Variants in SLC25A21 observed in about 807,000 individuals in gnomAD.
SLC25A21 encodes mitochondrial 2-oxodicarboxylate carrier.
Under a neutral mutation model 43.8 loss-of-function variants are expected in SLC25A21, and 47 were observed. The observed-to-expected ratio is 1.07, with a 90% CI of 0.85 to 1.37. The LOEUF (loss-of-function observed/expected upper bound fraction) is 1.37. Ranked by LOEUF, SLC25A21 falls within the 40% of genes most tolerant of loss-of-function variation. SLC25A21 has a pLI of 0.00. For synonymous variants in SLC25A21, 131 were observed against 121.3 expected (o/e 1.08, Z -0.52); for missense variants, 352 against 350.2 (o/e 1.00, Z -0.04).
intron 1 of SLC25A21, among the ~76,000 whole-genome samples, chr14:36,965,484 A>C (rs1229719998): frequency 6.6e-6 from 1 of 152,166 alleles, no homozygotes; most frequent in Non-Finnish European, 1.5e-5. Flanking sequence ...ATCTCATGAG[A>C]TTGTGATATT....
intron 6 of SLC25A21, 39 bp from the exon 7 acceptor site, chr14:36,711,521 G>A (rs1883870565): frequency 6.3e-7 from 1 of 1,598,058 alleles, no homozygotes; most frequent in South Asian, 1.1e-5. Flanking sequence ...GATCATCTTT[G>A]GGACTGTGGA....
chr14:36,780,528 GT>G (rs1887017443), intron 3 of SLC25A21, among the ~76,000 whole-genome samples: 1 of 151,862 alleles, frequency 6.6e-6, no homozygotes, highest in African/African-American at 2.4e-5. Context: ...GGTGTGATGT[GT>G]TTTTATTCTT....
At chr14:37,029,224 A>AT (rs1443860756) in intron 1 of SLC25A21, among the ~76,000 whole-genome samples, 2 of 152,152 alleles carry the variant, frequency 1.3e-5, no homozygotes, top group East Asian at 1.9e-4. Context: ...GGAAGGTTTA[A>AT]TTTTTTCCTT....
At chr14:36,846,156 G>A (rs915106340) in intron 2 of SLC25A21, among the ~76,000 whole-genome samples, 3 of 152,106 alleles carry the variant, frequency 2.0e-5, no homozygotes, top group African/African-American at 7.2e-5. Flanking sequence ...GAACTTTCTA[G>A]AAGGAATTAT....
At chr14:36,871,404 A>G (rs114003190) in intron 2 of SLC25A21, among the ~76,000 whole-genome samples, 1,952 of 152,272 alleles carry the variant, frequency 0.013, 49 homozygotes, top group African/African-American at 0.044. Context: ...TCTGTTGTCT[A>G]TAAGTTACCC....
Position 37,140,902 on chromosome 14 carries a change from T to C in SLC25A21, c.70+31379A>G, listed in dbSNP as rs986156796. The stretch of plus-strand genomic sequence containing the variant: ...AGGCTCACGCCTGTAATCCCAGCAC[T>C]TTGGGAGGCTGAGGCGGGTAGATCA... On this transcript the variant is annotated intron_variant, in intron 1 of 9. Coordinates refer to ENST00000331299, the MANE Select transcript of SLC25A21 (RefSeq NM_030631.4). 2.6e-5 allele frequency among the ~76,000 whole-genome samples: 4 copies of C among 152,278 alleles called. No homozygotes were observed. The South Asian group carries it at 8.3e-4, about 32-fold the overall frequency.
At chr14:36,731,402 T>G (rs1473141558) in intron 4 of SLC25A21, among the ~76,000 whole-genome samples, 1 of 152,236 alleles carries the variant, frequency 6.6e-6, no homozygotes, top group African/African-American at 2.4e-5. Flanking sequence ...ACAGGAAAGC[T>G]GCTTAACCTT....
At chr14:36,860,866 A>G (rs1890047497) in intron 2 of SLC25A21, among the ~76,000 whole-genome samples, 1 of 152,216 alleles carries the variant, frequency 6.6e-6, no homozygotes, top group South Asian at 2.1e-4. Flanking sequence ...ATAGATTCTG[A>G]TTACCAAAAA....
intron 1 of SLC25A21, among the ~76,000 whole-genome samples, chr14:36,903,740 A>G (rs1891460682): frequency 6.6e-6 from 1 of 151,264 alleles, no homozygotes; most frequent in South Asian, 2.1e-4. Context: ...GGCTTCCTTG[A>G]GTCACTCTCC....
chr14:36,989,836 T>C (rs577781911), intron 1 of SLC25A21, among the ~76,000 whole-genome samples: 11 of 152,236 alleles, frequency 7.2e-5, no homozygotes, highest in Non-Finnish European at 5.9e-5. Flanking sequence ...CTGGTTGTAA[T>C]TGACTCTCTA....
At chr14:36,777,426 T>G (rs931637593) in intron 3 of SLC25A21, among the ~76,000 whole-genome samples, 1 of 152,198 alleles carries the variant, frequency 6.6e-6, no homozygotes, top group African/African-American at 2.4e-5. Context: ...TATCTGTGAA[T>G]GTGACCTTAT....
chr14:37,042,125 T>C (rs947609984), intron 1 of SLC25A21, among the ~76,000 whole-genome samples: 9 of 152,128 alleles, frequency 5.9e-5, no homozygotes, highest in African/African-American at 2.2e-4. Flanking sequence ...AAAACAGACA[T>C]GTGAATTTGA....
rs947603194 is a variant in SLC25A21, at chr14:36,751,230, T to C, written c.204-16657A>G. On this transcript the variant is annotated intron_variant, in intron 3 of 9. Transcript: ENST00000331299. ...ACTGTTTAAATGCTAGAACAACATT[T>C]AAATGAGGATACTTCTCTCTCATTC... Among the ~76,000 whole-genome samples, 6 of 152,198 alleles carry C rather than the reference T, an allele frequency of 3.9e-5. No individual in the cohort carries two copies. In the East Asian group the frequency reaches 1.2e-3, roughly 29 times the overall value.
intron 3 of SLC25A21, among the ~76,000 whole-genome samples, chr14:36,743,172 A>C (rs1053834075): frequency 6.6e-6 from 1 of 152,146 alleles, no homozygotes; most frequent in Non-Finnish European, 1.5e-5. Flanking sequence ...CTGATGGAAA[A>C]CACTAAGGAA....
At chr14:37,075,974 C>A (rs1033341787) in intron 1 of SLC25A21, among the ~76,000 whole-genome samples, 2 of 152,180 alleles carry the variant, frequency 1.3e-5, no homozygotes, top group South Asian at 2.1e-4. Context: ...TGAGGGCCAG[C>A]GGAAGCTGTG....
chr14:36,950,766 A>G (rs1355317979), intron 1 of SLC25A21, among the ~76,000 whole-genome samples: 2 of 152,244 alleles, frequency 1.3e-5, no homozygotes, highest in Non-Finnish European at 2.9e-5. Context: ...TACTTGATAC[A>G]GAGTCAGCAG....
At chr14:37,073,995 C>T (rs563583583) in intron 1 of SLC25A21, among the ~76,000 whole-genome samples, 1 of 146,434 alleles carries the variant, frequency 6.8e-6, no homozygotes, top group South Asian at 2.1e-4. Context: ...GAAAGAGGTC[C>T]AGAAATTCAC....
At chr14:36,920,259 A>G (rs1458754589) in intron 1 of SLC25A21, among the ~76,000 whole-genome samples, 1 of 152,110 alleles carries the variant, frequency 6.6e-6, no homozygotes, top group Non-Finnish European at 1.5e-5. Context: ...CTTAGTTTAC[A>G]CTTTATATTA....
intron 1 of SLC25A21, among the ~76,000 whole-genome samples, chr14:37,041,306 T>C (rs796846263): frequency 6.6e-5 from 10 of 152,262 alleles, no homozygotes; most frequent in African/African-American, 2.4e-4. Flanking sequence ...CTTAAAAATA[T>C]AATCAATCTG....
Sources: gnomAD v4.1 joint callset for allele counts (sites outside exome capture counted in the v4.1 genomes callset) on GRCh38, gnomAD v4.1.1 for gene constraint, MANE v1.5 for transcripts, NCBI Gene and HGNC (gene_info 2026-07-23, HGNC 2026-07-21) for gene names.